The following MCF2L2 variants were observed in gnomAD, a reference collection of about 807,000 sequenced individuals.
MCF2L2 encodes MCF.2 cell line derived transforming sequence-like 2.
Under a neutral mutation model 150.2 loss-of-function variants are expected in MCF2L2, and 102 were observed. The observed-to-expected ratio is 0.68, with a 90% CI of 0.58 to 0.80. MCF2L2 has a LOEUF of 0.80. Ranked by LOEUF, MCF2L2 falls within the 30% of genes least tolerant of loss-of-function variation. The pLI is 0.00. For synonymous variants in MCF2L2, 465 were observed against 491.3 expected (o/e 0.95, Z 0.71); for missense variants, 1,256 against 1,372.8 (o/e 0.91, Z 1.34).
At chr3:183,192,665 T>C (rs1308379055) in intron 27 of MCF2L2, 1 of 229,080 alleles carries the variant, frequency 4.4e-6, no homozygotes, top group East Asian at 1.0e-4. Flanking sequence ...TTAAAACTCA[T>C]CGATTGTTTA....
intron 26 of MCF2L2, among the ~76,000 whole-genome samples, chr3:183,194,925 G>A (rs926713400): frequency 6.6e-6 from 1 of 152,008 alleles, no homozygotes; most frequent in Admixed American, 6.6e-5. Flanking sequence ...GGGACTACAA[G>A]CACGCCACCA....
chr3:183,199,495 G>A (rs1722183887), intron 25 of MCF2L2, among the ~76,000 whole-genome samples: 1 of 152,050 alleles, frequency 6.6e-6, no homozygotes, highest in African/African-American at 2.4e-5. Flanking sequence ...GGAGTACAGT[G>A]TGTGACATCA....
intron 14 of MCF2L2, among the ~76,000 whole-genome samples, chr3:183,281,486 TC>T (rs1406578924): frequency 6.6e-6 from 1 of 152,042 alleles, no homozygotes; most frequent in Admixed American, 6.6e-5. Flanking sequence ...CCCTGGCTCT[TC>T]CTAGCACTTC....
chr3:183,216,581 T>TATATATATATATA (rs1183230579), intron 21 of MCF2L2, among the ~76,000 whole-genome samples: 3 of 1,380 alleles, frequency 2.2e-3, no homozygotes, highest in Non-Finnish European at 8.1e-3. Context: ...TATATATATA[T>TATATATATATATA]TTTTTTTTTT....
chr3:183,318,148 C>T lies in MCF2L2; in HGVS notation c.673G>A (p.Ala225Thr). 1 of 1,614,168 alleles carries T rather than the reference C, an allele frequency of 6.2e-7. No homozygotes were observed. Among genetic ancestry groups the T allele is most frequent in the Non-Finnish European group, 8.5e-7 (1 of 1,180,036 alleles). ...QMLQTFGSCL[A>T]TAELPRSMLS... ...ATGCTTCTGGGCAGCTCTGCTGTGG[C>T]CAGGCAGGACCCAAACGTCTGCAGC... The change falls in exon 7 of 30, where the codon GCC (alanine) becomes ACC (threonine). Residue 225 changes from alanine (A) to threonine (T), a missense_variant. Ala to Thr is a moderately conservative substitution (Grantham distance 58). Coordinates refer to ENST00000328913, the MANE Select transcript of MCF2L2 (RefSeq NM_015078.4).
At chr3:183,190,565 G>A (rs1721849446) in intron 27 of MCF2L2, among the ~76,000 whole-genome samples, 1 of 152,266 alleles carries the variant, frequency 6.6e-6, no homozygotes, top group Non-Finnish European at 1.5e-5. Context: ...CCCCTGGGCA[G>A]TACTGGAGCA....
chr3:183,207,357 T>G (rs970349576), intron 23 of MCF2L2, among the ~76,000 whole-genome samples: 1 of 152,324 alleles, frequency 6.6e-6, no homozygotes, highest in East Asian at 1.9e-4. Context: ...CTTTTACTAA[T>G]TAGTTTGTCC....
chr3:183,219,907 C>T lies in MCF2L2; in HGVS notation c.2319G>A (p.Glu773=), dbSNP rs369196099. The change falls in exon 21 of 30, where the codon GAG becomes GAA. Residue 773 remains glutamate, a synonymous_variant. Transcript: ENST00000328913. ...GGTCTATCTCCATATCTTCAGGAGA[C>T]TCGAAATCCAGCAGACCCTGCATTA... ...QMLLKGLLDF[E]SPEDMEIDPG... is the part of the protein sequence containing the mutation. The T allele has an allele frequency of 2.4e-5, 39 of 1,613,264 alleles. No individual in the cohort carries two copies. The highest frequency in any genetic ancestry group is 3.3e-5 in the Non-Finnish European group (39 of 1,179,454).
chr3:183,341,762 C>A lies in MCF2L2; in HGVS notation c.276-132G>T, dbSNP rs1577076138. 7 of 631,540 alleles carry A rather than the reference C, an allele frequency of 1.1e-5. No homozygotes were observed. In the East Asian group the frequency reaches 1.9e-4, roughly 17 times the overall value. The allele number at this position is 631,540 out of a possible 1,614,324, so 39.1% of individuals were successfully genotyped here. A position where few individuals can be genotyped will look rare whatever the true frequency, so the allele number is the denominator to read the frequency against. Reference sequence around the variant, plus strand: ...CGTGTAAACACCCTGCACAGCACAACCAACTCCCTCTCCCAGTCTAAGCCT... The same window carrying A: ...CGTGTAAACACCCTGCACAGCACAAACAACTCCCTCTCCCAGTCTAAGCCT... On this transcript the variant is annotated intron_variant, in intron 3 of 29. Coordinates refer to ENST00000328913, the MANE Select transcript of MCF2L2 (RefSeq NM_015078.4).
At chr3:183,403,051 C>T (rs758715934) in intron 1 of MCF2L2, among the ~76,000 whole-genome samples, 3 of 151,970 alleles carry the variant, frequency 2.0e-5, no homozygotes, top group African/African-American at 4.8e-5. Flanking sequence ...GAGGCTGAGG[C>T]GGGCAGATCA....
In MCF2L2 at chr3:183,428,042, G is replaced by A; in HGVS notation, c.-65C>T. 1 of 1,300,278 alleles carries A rather than the reference G, an allele frequency of 7.7e-7. No individual in the cohort carries two copies. Among genetic ancestry groups the A allele is most frequent in the Non-Finnish European group, 1.1e-6 (1 of 895,804 alleles). The allele number at this position is 1,300,278 out of a possible 1,614,324, so 80.5% of individuals were successfully genotyped here. A position where few individuals can be genotyped will look rare whatever the true frequency, so the allele number is the denominator to read the frequency against. On this transcript the variant is annotated 5_prime_UTR_variant, in exon 1 of 30. Transcript: ENST00000328913. This position sits in a 1 kb window ranked among gnomAD's most constrained non-coding sequence, Gnocchi z 5.1. ...AACTGTTTCTACCGCTGCGGTGGATGATTTTTTAAAGGCATCTCCGCCCAA... is the reference window on the plus strand; with the variant it reads ...AACTGTTTCTACCGCTGCGGTGGATAATTTTTTAAAGGCATCTCCGCCCAA...
At chr3:183,269,264 A>G (rs1726490571) in intron 15 of MCF2L2, among the ~76,000 whole-genome samples, 1 of 90,028 alleles carries the variant, frequency 1.1e-5, no homozygotes, top group African/African-American at 6.8e-5. Flanking sequence ...TAGGAGTAGA[A>G]AAAGGTCTCT....
At chr3:183,259,900 GAAGT>G (rs1725430727) in intron 15 of MCF2L2, among the ~76,000 whole-genome samples, 1 of 152,170 alleles carries the variant, frequency 6.6e-6, no homozygotes, top group Non-Finnish European at 1.5e-5. Context: ...GTTAGTGAAG[GAAGT>G]AAGAACAGTG....
intron 1 of MCF2L2, among the ~76,000 whole-genome samples, chr3:183,419,906 G>C (rs1340540974): frequency 1.3e-5 from 2 of 152,162 alleles, no homozygotes; most frequent in Admixed American, 1.3e-4. Flanking sequence ...TTGCTGCTTA[G>C]AAATTTCTTC....
At chr3:183,277,501 C>T (rs1380230206) in intron 14 of MCF2L2, among the ~76,000 whole-genome samples, 2 of 151,364 alleles carry the variant, frequency 1.3e-5, no homozygotes, top group African/African-American at 4.9e-5. Flanking sequence ...GGAAAAGTTG[C>T]ACTCGCCCTG....
chr3:183,375,381 T>C (rs909007184), intron 3 of MCF2L2: 1 of 152,284 alleles, frequency 6.6e-6, no homozygotes, highest in Non-Finnish European at 1.5e-5. Context: ...CTTACAGGTC[T>C]GGATTGAAAC....
At chr3:183,228,154 C>T in intron 18 of MCF2L2, 143 bp downstream of exon 18, 2 of 617,836 alleles carry the variant, frequency 3.2e-6, no homozygotes, top group Non-Finnish European at 5.8e-6. Context: ...TTTTTATTTA[C>T]CAATTATACT....
intron 3 of MCF2L2, chr3:183,376,359 C>A (rs1014499815): frequency 1.7e-4 from 26 of 152,286 alleles, no homozygotes; most frequent in African/African-American, 6.3e-4. Context: ...AACTAGACAT[C>A]GAATTTAAAA....
chr3:183,270,659 C>T lies in MCF2L2; in HGVS notation c.1862+6213G>A. Reference sequence around the variant, plus strand: ...TTTACATAGACGATGTGTTCATGGGCCTCTGTGCCAATAAAATAGGGATAG... The same window carrying T: ...TTTACATAGACGATGTGTTCATGGGTCTCTGTGCCAATAAAATAGGGATAG... On this transcript the variant is annotated intron_variant, in intron 15 of 29. Coordinates refer to ENST00000328913, the MANE Select transcript of MCF2L2 (RefSeq NM_015078.4). This position sits in a 1 kb window ranked among gnomAD's most constrained non-coding sequence, Gnocchi z 4.5. The T allele has an allele frequency of 6.2e-7, 1 of 1,614,076 alleles. No individual in the cohort carries two copies. The highest frequency in any genetic ancestry group is 8.5e-7 in the Non-Finnish European group (1 of 1,180,028).
Sources: allele counts gnomAD v4.1 joint callset (sites outside exome capture counted in the v4.1 genomes callset), GRCh38; gene constraint gnomAD v4.1.1; non-coding constraint Gnocchi (gnomAD v3.1); transcripts MANE v1.5; gene names NCBI Gene and HGNC (gene_info 2026-07-23, HGNC 2026-07-21).